The following MYSM1 variants were observed in gnomAD, a reference collection of about 807,000 sequenced individuals.
MYSM1 encodes the protein deubiquitinase MYSM1.
In MYSM1, 51 loss-of-function variants were observed where a neutral mutation model predicts 116.0. The observed-to-expected ratio is 0.44, with a 90% CI of 0.35 to 0.56. MYSM1 has a LOEUF of 0.56. Ranked by LOEUF, MYSM1 falls within the 20% of genes least tolerant of loss-of-function variation. The pLI, the probability that MYSM1 is intolerant of heterozygous loss-of-function variation, is 0.00. For missense variants in MYSM1, 900 were observed against 974.9 expected, an observed-to-expected ratio of 0.92 and a Z score of 1.02; for synonymous variants, 313 against 315.2, an observed-to-expected ratio of 0.99 and a Z score of 0.07.
intron 6 of MYSM1, among the ~76,000 whole-genome samples, chr1:58,686,387 C>A (rs1182317603): frequency 6.6e-6 from 1 of 152,080 alleles, no homozygotes; most frequent in African/African-American, 2.4e-5. Flanking sequence ...CCTAAGGTAG[C>A]TAAATAATTC....
chr1:58,699,056 T>C (rs1645025542), intron 1 of MYSM1, among the ~76,000 whole-genome samples: 3 of 152,198 alleles, frequency 2.0e-5, no homozygotes. Context: ...AAATTGTACA[T>C]AATTATAAAC....
chr1:58,691,589 C>T (rs1354833506), intron 3 of MYSM1, among the ~76,000 whole-genome samples: 1 of 152,028 alleles, frequency 6.6e-6, no homozygotes, highest in Non-Finnish European at 1.5e-5. Flanking sequence ...GGATTTTGGC[C>T]GGGCGCAGTG....
At chr1:58,682,637 T>A in intron 7 of MYSM1, 92 bp from the exon 8 acceptor site, 2 of 1,158,160 alleles carry the variant, frequency 1.7e-6, no homozygotes, top group Non-Finnish European at 2.4e-6. Context: ...TACAGTGTTA[T>A]TAAACTGAAT....
intron 17 of MYSM1, among the ~76,000 whole-genome samples, chr1:58,662,893 A>C (rs903882898): frequency 6.6e-6 from 1 of 152,252 alleles, no homozygotes; most frequent in Non-Finnish European, 1.5e-5. Context: ...CCTTATGGTG[A>C]TAACAGTCAT....
At position 58,673,637 on chromosome 1, in the gene MYSM1, C is replaced by T. The variant is rs368639631; in HGVS notation, c.1508G>A (p.Arg503His). ...GTTTCCCCATGGGTCTCGGACCCTA[C>T]GTCTCCTTGTACGCTGCGATGAGAT... ...QRLQSMRTRR[R>H]RVRDPWGNWC... is the part of the protein sequence containing the mutation. Residue 503 changes from arginine (R) to histidine (H), a missense_variant, in exon 11 of 20, where the codon CGT becomes CAT. Coordinates refer to ENST00000472487, the MANE Select transcript of MYSM1 (RefSeq NM_001085487.3). 1.1e-5 allele frequency: 17 copies of T among 1,613,736 alleles called. No individual in the cohort carries two copies. The highest frequency in any genetic ancestry group is 8.3e-5 in the Admixed American group (5 of 59,992).
At chr1:58,661,065 A>G in intron 19 of MYSM1, 105 bp downstream of exon 19, 5 of 799,620 alleles carry the variant, frequency 6.3e-6, no homozygotes, top group Non-Finnish European at 1.0e-5. Context: ...AAAGAAATAT[A>G]CAGAAAATTA....
chr1:58,690,423 T>G lies in MYSM1; in HGVS notation c.219-6A>C, dbSNP rs1180043015. ...ATTTTTTAGATAAATAATATCTGTGTAACTATCAAGGAAACTTTTTAAACA... is the reference window on the plus strand; with the variant it reads ...ATTTTTTAGATAAATAATATCTGTGGAACTATCAAGGAAACTTTTTAAACA... On this transcript the variant is annotated splice_region_variant and splice_polypyrimidine_tract_variant and intron_variant, in intron 3 of 19. Transcript: ENST00000472487. The G allele has an allele frequency of 6.4e-7, 1 of 1,573,628 alleles. No homozygotes were observed. Among genetic ancestry groups the G allele is most frequent in the Non-Finnish European group, 8.7e-7 (1 of 1,155,282 alleles).
chr1:58,692,193 A>C (rs1644914717), intron 3 of MYSM1, among the ~76,000 whole-genome samples: 1 of 152,340 alleles, frequency 6.6e-6, no homozygotes, highest in South Asian at 2.1e-4. Context: ...CATGGCAATA[A>C]GTGGAAATAG....
intron 5 of MYSM1, chr1:58,689,465 A>G (rs1358777792): frequency 5.9e-6 from 1 of 169,966 alleles, no homozygotes; most frequent in Non-Finnish European, 1.2e-5. Flanking sequence ...CAAATCCTGA[A>G]AGGCATGTAA....
chr1:58,695,362 C>A (rs1394467213), intron 1 of MYSM1, among the ~76,000 whole-genome samples, 155 bp from the exon 2 acceptor site: 1 of 152,128 alleles, frequency 6.6e-6, no homozygotes, highest in Non-Finnish European at 1.5e-5. Flanking sequence ...GTGGAAATGC[C>A]TGCTCTACCT....
chr1:58,699,638 T>G (rs1645033727), intron 1 of MYSM1: 1 of 985,276 alleles, frequency 1.0e-6, no homozygotes, highest in African/African-American at 1.7e-5. Context: ...GTCTCGTCCG[T>G]AGCCGCTCTT....
In MYSM1 at chr1:58,688,993, G is replaced by T. The variant is rs765261182; in HGVS notation, c.399+45C>A. On this transcript the variant is annotated intron_variant, in intron 6 of 19. Transcript: ENST00000472487. ...TAACCTTATAACTTTACCAATATTT[G>T]CTTCTAGAATTATTTTACTAAAAAT... 4 of 1,510,058 alleles carry T rather than the reference G, an allele frequency of 2.6e-6. No individual in the cohort carries two copies. The South Asian group carries it at 4.8e-5, about 18-fold the overall frequency. 93.5% of individuals were successfully genotyped at this position (1,510,058 alleles called of 1,614,324 possible).
chr1:58,699,958 CAG>C (rs1645038435), intron 1 of MYSM1, 25 bp downstream of exon 1: 5 of 1,613,190 alleles, frequency 3.1e-6, no homozygotes, highest in Non-Finnish European at 4.2e-6. Flanking sequence ...CTCTCCGCCC[CAG>C]AGAGACCCGG....
intron 16 of MYSM1, 150 bp downstream of exon 16, chr1:58,666,888 T>TC: frequency 4.6e-6 from 1 of 216,536 alleles, no homozygotes. Flanking sequence ...AAAAAAATAA[T>TC]AATAAAAATA....
chr1:58,695,940 T>C (rs902919746), intron 1 of MYSM1, among the ~76,000 whole-genome samples: 4 of 152,176 alleles, frequency 2.6e-5, no homozygotes, highest in African/African-American at 9.7e-5. Context: ...AAATTTAATA[T>C]TTTGCTTCGT....
At position 58,660,016 on chromosome 1, in the gene MYSM1, G is replaced by A. The variant is rs532808188; in HGVS notation, c.2468C>T (p.Thr823Ile). The change falls in exon 20 of 20, where the codon ACA becomes ATA. Residue 823 changes from threonine (T) to isoleucine (I), a missense_variant. Physicochemically the swap from Thr to Ile is moderately conservative, Grantham distance 89. This residue lies in a region of MYSM1 where 186 missense variants were observed against 196.2 expected (regional missense o/e 0.95). Coordinates refer to ENST00000472487, the MANE Select transcript of MYSM1 (RefSeq NM_001085487.3). The part of the protein sequence containing the change: ...QENGVTEENC[T>I]KELLM ...AAATAATCACATTAACAATTCCTTT[G>A]TACAGTTCTCTTCGGTTACTCCATT... 1 of 1,595,414 alleles carries A rather than the reference G, an allele frequency of 6.3e-7. No homozygotes were observed. The highest frequency in any genetic ancestry group is 2.2e-5 in the East Asian group (1 of 44,468).
At chr1:58,677,822 T>G (rs1644676700) in intron 8 of MYSM1, among the ~76,000 whole-genome samples, 6 of 152,106 alleles carry the variant, frequency 3.9e-5, no homozygotes, top group Admixed American at 3.9e-4. Context: ...TAGATTTTAT[T>G]AATATTATTC....
intron 7 of MYSM1, among the ~76,000 whole-genome samples, chr1:58,683,254 G>A (rs918452827): frequency 6.6e-5 from 10 of 152,242 alleles, no homozygotes; most frequent in East Asian, 3.9e-4. Context: ...CTAAGGTATC[G>A]TACAATATAT....
At chr1:58,682,592 A>C in intron 7 of MYSM1, 47 bp from the exon 8 acceptor site, 1 of 1,470,246 alleles carries the variant, frequency 6.8e-7, no homozygotes, top group Non-Finnish European at 9.1e-7. Flanking sequence ...AGATTTAAAA[A>C]TTTAATCACT....
Sources: allele counts gnomAD v4.1 joint callset (sites outside exome capture counted in the v4.1 genomes callset), GRCh38; gene constraint gnomAD v4.1.1; regional missense constraint gnomAD v4.1.1; transcripts MANE v1.5; gene names NCBI Gene and HGNC (gene_info 2026-07-23, HGNC 2026-07-21).